PDE5A: variants seen among roughly 807,000 people sequenced by gnomAD.
PDE5A encodes phosphodiesterase 5A.
Under a neutral mutation model 110.2 loss-of-function variants are expected in PDE5A, and 67 were observed. The ratio of observed to expected loss-of-function variants is 0.61; its 90% confidence interval spans 0.50 to 0.75. The LOEUF is 0.75. Ranked by LOEUF, PDE5A falls within the 30% of genes least tolerant of loss-of-function variation. The pLI, the probability that PDE5A is intolerant of heterozygous loss-of-function variation, is 0.00. For synonymous variants in PDE5A, 328 were observed against 351.2 expected, an observed-to-expected ratio of 0.93 and a Z score of 0.74; for missense variants, 862 against 1,045.1, an observed-to-expected ratio of 0.82 and a Z score of 2.42.
Position 119,496,274 on chromosome 4 carries a change from G to A in PDE5A, c.*2327C>T, listed in dbSNP as rs917330722. ...ATACAGAGTAAGGTGAAGGAGGACTGTATGTATATTTTTCCAACTTGAGAA... is the reference window on the plus strand; with the variant it reads ...ATACAGAGTAAGGTGAAGGAGGACTATATGTATATTTTTCCAACTTGAGAA... On this transcript the variant is annotated 3_prime_UTR_variant, in exon 21 of 21. Transcript: ENST00000354960. 1 of 152,062 alleles carries A rather than the reference G, an allele frequency of 6.6e-6. No homozygotes were observed. Among genetic ancestry groups the A allele is most frequent in the African/African-American group, 2.4e-5 (1 of 41,406 alleles). The allele number at this position is 152,062 out of a possible 1,614,324, so 9.4% of individuals were successfully genotyped here.
chr4:119,592,441 G>C (rs1368205045), intron 3 of PDE5A, among the ~76,000 whole-genome samples: 1 of 121,348 alleles, frequency 8.2e-6, no homozygotes, highest in East Asian at 2.7e-4. Flanking sequence ...CTGGGTGACA[G>C]AGCGAGACTC....
At chr4:119,530,495 A>T (rs185863548) in intron 11 of PDE5A, among the ~76,000 whole-genome samples, 1 of 152,266 alleles carries the variant, frequency 6.6e-6, no homozygotes, top group East Asian at 1.9e-4. Flanking sequence ...ACATATGAAA[A>T]GATCTGGATA....
intron 6 of PDE5A, among the ~76,000 whole-genome samples, chr4:119,560,839 T>G (rs1560616030): frequency 6.6e-6 from 1 of 152,160 alleles, no homozygotes; most frequent in Non-Finnish European, 1.5e-5. Flanking sequence ...GAAATTACAT[T>G]AAAGGTGTGG....
At chr4:119,553,792 A>G (rs779095377) in intron 7 of PDE5A, 46 bp from the exon 8 acceptor site, 1 of 936,452 alleles carries the variant, frequency 1.1e-6, no homozygotes, top group Non-Finnish European at 1.7e-6. Context: ...GTTAAAAAAA[A>G]GCATGGGCAA....
chr4:119,591,719 T>C (rs1362303933), intron 3 of PDE5A, among the ~76,000 whole-genome samples: 1 of 152,188 alleles, frequency 6.6e-6, no homozygotes, highest in Non-Finnish European at 1.5e-5. Context: ...AGTGTGTCTG[T>C]TCTGTCTCTC....
chr4:119,627,117 G>A lies in PDE5A; in HGVS notation c.152+1403C>T, dbSNP rs774416773. On this transcript the variant is annotated intron_variant, in intron 1 of 20. Coordinates refer to ENST00000354960, the MANE Select transcript of PDE5A (RefSeq NM_001083.4). The surrounding 1 kb of genome is among the most constrained non-coding windows in gnomAD (Gnocchi z 4.6). ...ACCCGCCGCGCCCCCGGAAAAAGTGGGAAGGGACGTAGGGGGATGCTGAAG... is the reference window on the plus strand; with the variant it reads ...ACCCGCCGCGCCCCCGGAAAAAGTGAGAAGGGACGTAGGGGGATGCTGAAG... 3.4e-5 allele frequency: 55 copies of A among 1,610,956 alleles called. No individual in the cohort carries two copies. The Admixed American group carries it at 8.9e-4, about 26-fold the overall frequency.
chr4:119,593,499 G>A (rs920679997), intron 3 of PDE5A, among the ~76,000 whole-genome samples: 2 of 152,174 alleles, frequency 1.3e-5, no homozygotes, highest in African/African-American at 4.8e-5. Flanking sequence ...CATACTGTAT[G>A]ATTCCATTTA....
chr4:119,554,566 T>C (rs967256793), intron 7 of PDE5A, among the ~76,000 whole-genome samples: 9 of 152,104 alleles, frequency 5.9e-5, no homozygotes, highest in African/African-American at 2.2e-4. Flanking sequence ...GGTCAGGTTA[T>C]GGGAATTTAT....
intron 2 of PDE5A, among the ~76,000 whole-genome samples, chr4:119,603,301 T>G (rs1729407855): frequency 6.6e-6 from 1 of 152,210 alleles, no homozygotes. Flanking sequence ...CCACTTCTCG[T>G]GCAGTTGAAG....
At chr4:119,593,611 C>T (rs895307149) in intron 3 of PDE5A, among the ~76,000 whole-genome samples, 1 of 152,152 alleles carries the variant, frequency 6.6e-6, no homozygotes, top group Non-Finnish European at 1.5e-5. Flanking sequence ...TGAAGGGGTA[C>T]AGGGGAACAT....
At chr4:119,558,464 G>T (rs1727618668) in intron 7 of PDE5A, among the ~76,000 whole-genome samples, 2 of 152,064 alleles carry the variant, frequency 1.3e-5, no homozygotes, top group South Asian at 4.2e-4. Flanking sequence ...GCAAAGTTTG[G>T]ATTGGCAAAG....
At chr4:119,499,077 C>T (rs1725196676) in intron 20 of PDE5A, among the ~76,000 whole-genome samples, 1 of 152,162 alleles carries the variant, frequency 6.6e-6, no homozygotes, top group South Asian at 2.1e-4. Context: ...GTGACTGCAT[C>T]AGGGAACTGC....
chr4:119,515,167 CAGATCTCCAGGCTCTCA>C (rs1725868130), intron 14 of PDE5A, among the ~76,000 whole-genome samples: 1 of 150,954 alleles, frequency 6.6e-6, no homozygotes, highest in African/African-American at 2.4e-5. Context: ...TATTCATAGT[CAGATCTCCAGGCTCTCA>C]AGATCTCCAA....
intron 3 of PDE5A, among the ~76,000 whole-genome samples, chr4:119,587,143 C>T (rs10012485): frequency 0.78 from 117,900 of 152,054 alleles, 45,876 homozygotes; most frequent in East Asian, 0.89. Context: ...AACAGAAACT[C>T]TGCGCAGCAC....
intron 1 of PDE5A, among the ~76,000 whole-genome samples, chr4:119,608,913 G>A (rs534487492): frequency 6.6e-6 from 1 of 152,276 alleles, no homozygotes; most frequent in East Asian, 1.9e-4. Flanking sequence ...TGTAATCCCA[G>A]CACTTTGGGA....
rs376629884 is a variant in PDE5A, at chr4:119,559,933, G to A, written c.1199+363C>T. On this transcript the variant is annotated intron_variant, in intron 7 of 20. Transcript: ENST00000354960. ...AGTCAGCAGTCAAGGCTTAAAGTCAGGTCTACCTTCTGAGTCAAATGAATT... is the reference window on the plus strand; with the variant it reads ...AGTCAGCAGTCAAGGCTTAAAGTCAAGTCTACCTTCTGAGTCAAATGAATT... Among the ~76,000 whole-genome samples, 5 of 152,216 alleles carry A rather than the reference G, an allele frequency of 3.3e-5. No homozygotes were observed. The East Asian group carries it at 5.8e-4, about 18-fold the overall frequency.
chr4:119,574,076 A>C lies in PDE5A; in HGVS notation c.832-6932T>G, dbSNP rs1728233369. 4.6e-5 allele frequency among the ~76,000 whole-genome samples: 7 copies of C among 152,146 alleles called. No individual in the cohort carries two copies. In the South Asian group the frequency reaches 1.5e-3, roughly 32 times the overall value. ...GAAAACTTACATAACTAGTTCAAGAATATGCAGACCCAGACACTCTCCAGA... is the reference window on the plus strand; with the variant it reads ...GAAAACTTACATAACTAGTTCAAGACTATGCAGACCCAGACACTCTCCAGA... On this transcript the variant is annotated intron_variant, in intron 3 of 20. Coordinates refer to ENST00000354960, the MANE Select transcript of PDE5A (RefSeq NM_001083.4).
At chr4:119,533,815 T>C (rs1726630637) in intron 11 of PDE5A, among the ~76,000 whole-genome samples, 1 of 152,178 alleles carries the variant, frequency 6.6e-6, no homozygotes, top group South Asian at 2.1e-4. Flanking sequence ...ATAAGAAAAC[T>C]TTTAGAGTAA....
intron 3 of PDE5A, among the ~76,000 whole-genome samples, chr4:119,574,332 G>A (rs546322870): frequency 1.4e-4 from 21 of 150,042 alleles, no homozygotes; most frequent in Admixed American, 2.0e-4. Flanking sequence ...ACATGTGCCC[G>A]CCACCACGCC....
Sources: gnomAD v4.1 joint callset for allele counts (sites outside exome capture counted in the v4.1 genomes callset) on GRCh38, gnomAD v4.1.1 for gene constraint, Gnocchi (gnomAD v3.1) non-coding constraint, MANE v1.5 for transcripts, NCBI Gene and HGNC (gene_info 2026-07-23, HGNC 2026-07-21) for gene names.